FANCM: variants seen among roughly 807,000 people sequenced by gnomAD.
FANCM encodes the protein FA complementation group M, also known as Fanconi anemia group M protein.
A neutral mutation model predicts 199.5 loss-of-function variants in FANCM; 140 were observed. The observed-to-expected ratio is 0.70, with a 90% CI of 0.61 to 0.81. FANCM has a LOEUF of 0.81. Among genes scored for constraint, FANCM ranks in the 30% least tolerant of loss-of-function variants. FANCM has a pLI of 0.00. For synonymous variants in FANCM, 840 were observed against 836.8 expected, an observed-to-expected ratio of 1.00 and a Z score of -0.07; for missense variants, 2,410 against 2,421.4, an observed-to-expected ratio of 1.00 and a Z score of 0.10.
intron 9 of FANCM, among the ~76,000 whole-genome samples, chr14:45,162,315 G>T (rs1887663957): frequency 6.6e-6 from 1 of 152,176 alleles, no homozygotes; most frequent in Non-Finnish European, 1.5e-5. Flanking sequence ...AATATCAGGA[G>T]CTTGGTTTTA....
At position 45,175,499 on chromosome 14, in the gene FANCM, T is replaced by C. The variant is rs915093857; in HGVS notation, c.2745T>C (p.Asn915=). The C allele has an allele frequency of 1.5e-5, 24 of 1,612,904 alleles. No individual in the cohort carries two copies. In the Middle Eastern group the frequency reaches 4.9e-4, roughly 33 times the overall value. The part of the protein sequence containing the change: ...EIAATCTINE[N]VIKEPCVLLT... ...CTGCCACATGTACTATTAATGAAAA[T>C]GTTATTAAAGAACCGTGTGTGTTAT... The change falls in exon 14 of 23, where the codon AAT becomes AAC. Residue 915 remains asparagine, a synonymous_variant. Coordinates refer to ENST00000267430, the MANE Select transcript of FANCM (RefSeq NM_020937.4).
At chr14:45,154,875 T>A in intron 7 of FANCM, 53 bp downstream of exon 7, 1 of 1,536,256 alleles carries the variant, frequency 6.5e-7, no homozygotes, top group Non-Finnish European at 8.9e-7. Flanking sequence ...TAATCACAGT[T>A]AATTTTGAAA....
intron 19 of FANCM, among the ~76,000 whole-genome samples, chr14:45,188,242 G>A (rs1031648079): frequency 2.0e-5 from 3 of 152,138 alleles, no homozygotes; most frequent in African/African-American, 7.2e-5. Context: ...GGGAGGCTGA[G>A]GCAGGAGAAT....
intron 20 of FANCM, chr14:45,195,357 A>G: frequency 2.9e-6 from 1 of 343,890 alleles, no homozygotes; most frequent in Non-Finnish European, 5.8e-6. Flanking sequence ...GTAGATACCA[A>G]TTCGAGATCT....
rs1885580819 is a variant in FANCM, at chr14:45,137,180, A to T, written c.620A>T (p.Glu207Val). ...TCTAGAGGAGCTTGTCCCGCTGCTG[A>T]AATAAAGTGTTTAGTTATTGATGAA... ...DLSRGACPAA[E>V]IKCLVIDEAH... Residue 207 changes from glutamate (E) to valine (V), a missense_variant, in exon 2 of 23, where the codon GAA becomes GTA. Physicochemically the swap from Glu to Val is moderately radical, Grantham distance 121. Transcript: ENST00000267430. 6.2e-7 allele frequency: 1 copy of T among 1,613,900 alleles called. No individual in the cohort carries two copies. Among genetic ancestry groups the T allele is most frequent in the Non-Finnish European group, 8.5e-7 (1 of 1,179,992 alleles).
chr14:45,192,094 T>A (rs1193952111), intron 20 of FANCM, among the ~76,000 whole-genome samples: 1 of 152,152 alleles, frequency 6.6e-6, no homozygotes, highest in Non-Finnish European at 1.5e-5. Context: ...ATAATTGGGA[T>A]GTTGATCTTA....
At chr14:45,190,619 T>C (rs1889703311) in intron 20 of FANCM, among the ~76,000 whole-genome samples, 1 of 152,120 alleles carries the variant, frequency 6.6e-6, no homozygotes, top group African/African-American at 2.4e-5. Context: ...CTTCTACTTC[T>C]CTTTATCCCC....
chr14:45,195,736 G>A (rs1215246671), intron 20 of FANCM, among the ~76,000 whole-genome samples: 1 of 152,050 alleles, frequency 6.6e-6, no homozygotes, highest in Non-Finnish European at 1.5e-5. Context: ...AGGTTTAGTT[G>A]TTTTCAACTG....
At chr14:45,162,614 A>G (rs1273282643) in intron 9 of FANCM, among the ~76,000 whole-genome samples, 1 of 152,198 alleles carries the variant, frequency 6.6e-6, no homozygotes, top group East Asian at 1.9e-4. Flanking sequence ...GGCACCAGTA[A>G]TAAACAGTTC....
chr14:45,152,636 C>G (rs1886907815), intron 5 of FANCM, among the ~76,000 whole-genome samples: 1 of 152,174 alleles, frequency 6.6e-6, no homozygotes, highest in Non-Finnish European at 1.5e-5. Flanking sequence ...TGCAAAAGAA[C>G]AGAGGCAATT....
At chr14:45,142,658 G>A (rs1366473920) in intron 3 of FANCM, among the ~76,000 whole-genome samples, 1 of 151,920 alleles carries the variant, frequency 6.6e-6, no homozygotes, top group Non-Finnish European at 1.5e-5. Context: ...AAGTGTAGGT[G>A]CCAGATATTT....
intron 20 of FANCM, among the ~76,000 whole-genome samples, chr14:45,192,772 T>C (rs1566787233): frequency 6.6e-6 from 1 of 151,892 alleles, no homozygotes; most frequent in South Asian, 2.1e-4. Context: ...GAGGTTGCGG[T>C]GAGCTATGAT....
At chr14:45,184,514 T>C (rs1028751799) in intron 17 of FANCM, among the ~76,000 whole-genome samples, 1 of 151,644 alleles carries the variant, frequency 6.6e-6, no homozygotes, top group African/African-American at 2.4e-5. Flanking sequence ...ATACAAAAAT[T>C]AGCTGGGCGT....
chr14:45,154,061 T>C lies in FANCM; in HGVS notation c.1183+9T>C, dbSNP rs1009322588. 1.3e-6 allele frequency: 2 copies of C among 1,518,916 alleles called. No homozygotes were observed. Among genetic ancestry groups the C allele is most frequent in the East Asian group, 4.5e-5 (2 of 44,344 alleles). 94.1% of individuals were successfully genotyped at this position (1,518,916 alleles called of 1,614,324 possible). ...TATGGATGGAACTAAAGGTAAATTA[T>C]ATCAAATTATTTAAAGAAATAATGA... On this transcript the variant is annotated intron_variant, in intron 6 of 22. Transcript: ENST00000267430.
At chr14:45,195,704 T>C (rs780493555) in intron 20 of FANCM, 10 of 332,100 alleles carry the variant, frequency 3.0e-5, no homozygotes, top group Non-Finnish European at 5.4e-5. Context: ...TTTACAAACA[T>C]GTTAGTTTTT....
intron 4 of FANCM, among the ~76,000 whole-genome samples, chr14:45,150,105 G>A (rs752987278): frequency 2.5e-4 from 38 of 152,100 alleles, no homozygotes; most frequent in Non-Finnish European, 7.4e-5. Flanking sequence ...TCATTGCCAT[G>A]GATTAAAGAT....
At chr14:45,180,244 A>G (rs1340314449) in intron 14 of FANCM, among the ~76,000 whole-genome samples, 1 of 152,088 alleles carries the variant, frequency 6.6e-6, no homozygotes, top group Non-Finnish European at 1.5e-5. Context: ...GGCTTAGCTG[A>G]GTGGTTCTGG....
intron 20 of FANCM, among the ~76,000 whole-genome samples, chr14:45,193,016 T>A (rs1417729857): frequency 6.6e-6 from 1 of 152,194 alleles, no homozygotes; most frequent in Non-Finnish European, 1.5e-5. Context: ...AAAATGCTTT[T>A]TCCTAGTACA....
intron 10 of FANCM, among the ~76,000 whole-genome samples, chr14:45,166,235 G>A (rs563090280): frequency 5.9e-5 from 9 of 151,690 alleles, no homozygotes; most frequent in East Asian, 5.8e-4. Context: ...GAGTTCAAGC[G>A]ATTCTCCTGT....
Sources: allele counts gnomAD v4.1 joint callset (sites outside exome capture counted in the v4.1 genomes callset), GRCh38; gene constraint gnomAD v4.1.1; transcripts MANE v1.5; gene names NCBI Gene and HGNC (gene_info 2026-07-23, HGNC 2026-07-21).